Variants in STIM1 observed in about 807,000 individuals in gnomAD.
STIM1 encodes stromal interaction molecule 1.
A neutral mutation model predicts 74.7 loss-of-function variants in STIM1; 25 were observed. The observed-to-expected ratio is 0.33, with a 90% CI of 0.24 to 0.47. The LOEUF is 0.47. Among genes scored for constraint, STIM1 ranks in the 20% least tolerant of loss-of-function variants. The pLI, the probability that STIM1 is intolerant of heterozygous loss-of-function variation, is 1.00. For missense variants in STIM1, 728 were observed against 920.8 expected, an observed-to-expected ratio of 0.79 and a Z score of 2.71; for synonymous variants, 328 against 348.8, an observed-to-expected ratio of 0.94 and a Z score of 0.66.
At chr11:3,928,851 C>G (rs1325266103) in intron 1 of STIM1, among the ~76,000 whole-genome samples, 2 of 152,044 alleles carry the variant, frequency 1.3e-5, no homozygotes, top group Non-Finnish European at 1.5e-5. Flanking sequence ...CTTTATGATT[C>G]TTGTTAAATT....
chr11:4,085,704 A>G (rs1392053715), intron 11 of STIM1, among the ~76,000 whole-genome samples: 1 of 152,198 alleles, frequency 6.6e-6, no homozygotes, highest in Non-Finnish European at 1.5e-5. Context: ...TAAAGACATT[A>G]TTGTGAAGTC....
intron 1 of STIM1, among the ~76,000 whole-genome samples, chr11:3,895,692 T>C (rs1233701302): frequency 1.9e-4 from 7 of 36,226 alleles, no homozygotes; most frequent in African/African-American, 5.6e-4. Context: ...CCTTCTTTCT[T>C]TCTTTCTTTC....
At chr11:3,908,236 T>C (rs937074781) in intron 1 of STIM1, among the ~76,000 whole-genome samples, 11 of 152,234 alleles carry the variant, frequency 7.2e-5, no homozygotes, top group Non-Finnish European at 1.2e-4. Flanking sequence ...GGTATATTTC[T>C]TGATGCTTTA....
At chr11:3,907,433 T>G (rs1383939167) in intron 1 of STIM1, among the ~76,000 whole-genome samples, 1 of 152,228 alleles carries the variant, frequency 6.6e-6, no homozygotes, top group Non-Finnish European at 1.5e-5. Flanking sequence ...TTACATGGAA[T>G]CTGTCAGCAT....
intron 2 of STIM1, among the ~76,000 whole-genome samples, chr11:4,007,622 C>T (rs1234411429): frequency 6.6e-6 from 1 of 152,260 alleles, no homozygotes; most frequent in Middle Eastern, 3.4e-3. Flanking sequence ...CAGAAGAAGT[C>T]ACCTTTGATC....
intron 1 of STIM1, among the ~76,000 whole-genome samples, chr11:3,926,465 T>TA (rs1269134837): frequency 7.2e-5 from 11 of 152,244 alleles, no homozygotes; most frequent in African/African-American, 2.7e-4. Flanking sequence ...TGGAAAGTCT[T>TA]ATGCATTCCA....
intron 2 of STIM1, among the ~76,000 whole-genome samples, chr11:3,998,196 T>C (rs12281697): frequency 0.016 from 2,372 of 152,322 alleles, 63 homozygotes; most frequent in African/African-American, 0.054. Context: ...ACATGAGGGT[T>C]GTTAGGTTTT....
intron 1 of STIM1, among the ~76,000 whole-genome samples, chr11:3,941,673 T>TAGAGAGAGAGAGAGAGAG (rs1554959602): frequency 3.3e-5 from 3 of 90,736 alleles, no homozygotes; most frequent in East Asian, 3.7e-4. Flanking sequence ...TATATATATA[T>TAGAGAGAGAGAGAGAGAG]AGAGAGAGAG....
chr11:4,045,559 C>T (rs986101062), intron 3 of STIM1, among the ~76,000 whole-genome samples: 1 of 151,398 alleles, frequency 6.6e-6, no homozygotes, highest in African/African-American at 2.4e-5. Context: ...ACGTGATCCT[C>T]CCACCTCAGC....
intron 1 of STIM1, among the ~76,000 whole-genome samples, chr11:3,878,933 G>A (rs1326595682): frequency 6.6e-6 from 1 of 151,864 alleles, no homozygotes; most frequent in African/African-American, 2.4e-5. Context: ...ATCTCCTCTA[G>A]TACTGTTGCT....
intron 2 of STIM1, among the ~76,000 whole-genome samples, chr11:4,003,803 T>A (rs1330114514): frequency 6.6e-6 from 1 of 152,210 alleles, no homozygotes; most frequent in African/African-American, 2.4e-5. Context: ...AAATTGTCCC[T>A]GTTTGCAGAT....
At chr11:3,979,133 G>A (rs2093477352) in intron 2 of STIM1, among the ~76,000 whole-genome samples, 1 of 151,972 alleles carries the variant, frequency 6.6e-6, no homozygotes, top group Non-Finnish European at 1.5e-5. Context: ...GGTTAATATG[G>A]GCCAAATTAG....
chr11:4,091,099 C>T (rs989659798), intron 12 of STIM1, among the ~76,000 whole-genome samples, 183 bp from the exon 13 acceptor site: 1 of 152,084 alleles, frequency 6.6e-6, no homozygotes, highest in African/African-American at 2.4e-5. Flanking sequence ...CAACTTCTGT[C>T]TATTCCTCTT....
chr11:3,968,228 A>G (rs1174744015), intron 2 of STIM1, among the ~76,000 whole-genome samples: 4 of 152,196 alleles, frequency 2.6e-5, no homozygotes, highest in Non-Finnish European at 5.9e-5. Flanking sequence ...CTAAATGGAA[A>G]AAAGCTCTAT....
chr11:3,930,845 A>C (rs2092851036), intron 1 of STIM1, among the ~76,000 whole-genome samples: 1 of 152,184 alleles, frequency 6.6e-6, no homozygotes, highest in East Asian at 1.9e-4. Context: ...GACAGTTTTG[A>C]ATCTCCATTT....
At chr11:3,854,970 G>C (rs1053854602), upstream of STIM1, 3 of 152,330 alleles carry the variant, frequency 2.0e-5, no homozygotes, top group Non-Finnish European at 2.9e-5. Flanking sequence ...GCGGGTCTTA[G>C]CTTCACTCGG....
At chr11:3,860,345 A>G (rs1460593185) in intron 1 of STIM1, among the ~76,000 whole-genome samples, 6 of 152,212 alleles carry the variant, frequency 3.9e-5, no homozygotes, top group Non-Finnish European at 8.8e-5. Flanking sequence ...CATTTTATAG[A>G]TGAGAAAATT....
intron 2 of STIM1, among the ~76,000 whole-genome samples, chr11:4,022,711 A>G (rs1282066364): frequency 6.6e-6 from 1 of 151,968 alleles, no homozygotes; most frequent in Admixed American, 6.6e-5. Context: ...CACATACCTG[A>G]CTCCTGAACT....
chr11:3,891,845 T>C (rs2091904615), intron 1 of STIM1, among the ~76,000 whole-genome samples: 1 of 151,774 alleles, frequency 6.6e-6, no homozygotes, highest in Admixed American at 6.6e-5. Flanking sequence ...GGCCAGAGAG[T>C]GAATATTTTA....
Sources: gnomAD v4.1 joint callset for allele counts (sites outside exome capture counted in the v4.1 genomes callset) on GRCh38, gnomAD v4.1.1 for gene constraint, MANE v1.5 for transcripts, NCBI Gene and HGNC (gene_info 2026-07-23, HGNC 2026-07-21) for gene names.